SYT6: variants seen among roughly 807,000 people sequenced by gnomAD.
SYT6 encodes synaptotagmin 6.
SYT6 carries 24 observed loss-of-function variants against 38.4 expected under a neutral mutation model. The ratio of observed to expected loss-of-function variants is 0.62; its 90% CI spans 0.45 to 0.88. The LOEUF (loss-of-function observed/expected upper bound fraction) is 0.88, where lower values mean the gene tolerates loss of function less well. SYT6 is among the 40% of genes least tolerant of loss of function. The probability of loss-of-function intolerance (pLI) is 0.00; values close to 1 mark genes in which losing one functional copy is unlikely to be tolerated. For missense variants in SYT6, 611 were observed against 621.0 expected, an observed-to-expected ratio of 0.98 and a Z score of 0.17; for synonymous variants, 265 against 241.9, an observed-to-expected ratio of 1.10 and a Z score of -0.89.
chr1:114,113,297 G>A (rs2101017746), intron 3 of SYT6, among the ~76,000 whole-genome samples: 1 of 152,220 alleles, frequency 6.6e-6, no homozygotes, highest in South Asian at 2.1e-4. Flanking sequence ...CAGGTTTCCT[G>A]TGCCAGCCTC....
intron 3 of SYT6, among the ~76,000 whole-genome samples, chr1:114,136,530 G>A (rs1328549672): frequency 6.6e-6 from 1 of 152,172 alleles, no homozygotes; most frequent in East Asian, 1.9e-4. Flanking sequence ...GGACTGGAGC[G>A]AAGGGCTATG....
chr1:114,143,557 C>CGTGT (rs149047400), intron 1 of SYT6, among the ~76,000 whole-genome samples: 2,894 of 147,048 alleles, frequency 0.02, 83 homozygotes, highest in African/African-American at 0.059. Flanking sequence ...AACTTATGTG[C>CGTGT]ATGTGTGTGT....
intron 3 of SYT6, among the ~76,000 whole-genome samples, chr1:114,131,093 A>G (rs936297479): frequency 2.6e-5 from 4 of 152,060 alleles, no homozygotes; most frequent in Admixed American, 6.6e-5. Context: ...CCTTCCCCCA[A>G]CATGCTGGGC....
In SYT6 at chr1:114,092,011, T is replaced by G; in HGVS notation, c.*123A>C. The G allele has an allele frequency of 6.5e-7, 1 of 1,536,264 alleles. No individual in the cohort carries two copies. The highest frequency in any genetic ancestry group is 8.7e-7 in the Non-Finnish European group (1 of 1,146,888). Reference sequence around the variant, plus strand: ...CATTTGTGTTATTTGGCTGCACATCTCATGGTGTTGGAGGTGGTTTCGGAG... The same window carrying G: ...CATTTGTGTTATTTGGCTGCACATCGCATGGTGTTGGAGGTGGTTTCGGAG... On this transcript the variant is annotated 3_prime_UTR_variant, in exon 8 of 8. Transcript: ENST00000610222.
intron 1 of SYT6, among the ~76,000 whole-genome samples, chr1:114,146,737 G>A (rs1241481745): frequency 2.0e-5 from 3 of 152,230 alleles, no homozygotes; most frequent in Non-Finnish European, 4.4e-5. Context: ...TCAGCTTAGA[G>A]AGAAGGAAGC....
intron 3 of SYT6, among the ~76,000 whole-genome samples, chr1:114,136,897 T>C (rs1458184504): frequency 6.8e-6 from 1 of 147,128 alleles, no homozygotes; most frequent in African/African-American, 2.5e-5. Flanking sequence ...CTTGTTCTAA[T>C]GGGAGTGGAA....
chr1:114,141,304 A>G (rs556341613), intron 1 of SYT6, among the ~76,000 whole-genome samples: 1 of 152,370 alleles, frequency 6.6e-6, no homozygotes, highest in South Asian at 2.1e-4. Flanking sequence ...CACACAAATG[A>G]TAAGAAAGCA....
intron 1 of SYT6, 102 bp from the exon 2 acceptor site, chr1:114,140,065 G>A: frequency 4.7e-6 from 3 of 639,840 alleles, no homozygotes; most frequent in Non-Finnish European, 7.7e-6. Context: ...GACAAAGACG[G>A]AAGAAGAGAG....
intron 1 of SYT6, among the ~76,000 whole-genome samples, chr1:114,149,227 G>GTGTGTGTGTGTGTGTGCGCGCGTGTA (rs888190571): frequency 8.0e-5 from 12 of 150,034 alleles, no homozygotes; most frequent in African/African-American, 3.0e-4. Context: ...TTGTGTGTGT[G>GTGTGTGTGTGTGTGTGCGCGCGTGTA]TGTGTGTGTG....
chr1:114,136,216 C>T (rs1218735618), intron 3 of SYT6, among the ~76,000 whole-genome samples: 1 of 152,144 alleles, frequency 6.6e-6, no homozygotes, highest in African/African-American at 2.4e-5. Flanking sequence ...AGATTTATGC[C>T]CTTTGCACAC....
intron 7 of SYT6, 43 bp from the exon 8 acceptor site, chr1:114,092,125 T>C: frequency 1.3e-6 from 2 of 1,522,266 alleles, no homozygotes; most frequent in Non-Finnish European, 1.8e-6. Flanking sequence ...GCTAAAGGAA[T>C]TTACATTTCA....
At chr1:114,094,321 C>T (rs1047477409) in intron 6 of SYT6, among the ~76,000 whole-genome samples, 12 of 152,172 alleles carry the variant, frequency 7.9e-5, no homozygotes, top group African/African-American at 2.7e-4. Flanking sequence ...TTTCAGAATG[C>T]CTGTGTTCCA....
intron 1 of SYT6, among the ~76,000 whole-genome samples, chr1:114,149,097 C>T (rs1679302159): frequency 6.6e-6 from 1 of 152,012 alleles, no homozygotes; most frequent in South Asian, 2.1e-4. Context: ...GACCACCTGC[C>T]CCATCTTCTT....
chr1:114,099,096 A>G lies in SYT6; in HGVS notation c.1362T>C (p.Asp454=), dbSNP rs1158608008. Residue 454 remains aspartate (D), a splice_region_variant and synonymous_variant, in exon 5 of 8, where the codon GAT becomes GAC. Coordinates refer to ENST00000610222, the MANE Select transcript of SYT6 (RefSeq NM_001253772.2). ...VSLLISVMDY[D]RVGHNEIIGV... ...GTCCCTCTAGGACGCCTACCTACCG[A>G]TCATAGTCCATGACTGAGATGAGCA... The G allele has an allele frequency of 6.2e-7, 1 of 1,612,132 alleles. No homozygotes were observed. The highest frequency in any genetic ancestry group is 8.5e-7 in the Non-Finnish European group (1 of 1,178,912).
chr1:114,105,786 C>T (rs182615590), intron 3 of SYT6, among the ~76,000 whole-genome samples: 27 of 152,320 alleles, frequency 1.8e-4, no homozygotes, highest in African/African-American at 6.3e-4. Flanking sequence ...CCTTGCACTC[C>T]GCTTTTGAGC....
At chr1:114,124,228 T>C (rs531537292) in intron 3 of SYT6, among the ~76,000 whole-genome samples, 1 of 152,166 alleles carries the variant, frequency 6.6e-6, no homozygotes, top group Non-Finnish European at 1.5e-5. Context: ...AAACCTTCTA[T>C]GGAGGGTGGA....
In SYT6 at chr1:114,139,848, G is replaced by A. The variant is rs748481059; in HGVS notation, c.279C>T (p.Ala93=). Residue 93 remains alanine, a synonymous_variant, in exon 2 of 8, where the codon GCC becomes GCT. Transcript: ENST00000610222. The stretch of plus-strand genomic sequence containing the variant: ...GGGGATTAGCAGAAGAGGGACTGGA[G>A]GCCTCCTTGTTCCTCCAGGGCATCC... ...LCWMPWRNKE[A]SSPSSANPPL... is the part of the protein sequence containing the mutation. 20 of 1,587,426 alleles carry A rather than the reference G, an allele frequency of 1.3e-5. No homozygotes were observed. Among genetic ancestry groups the A allele is most frequent in the Middle Eastern group, 1.7e-4 (1 of 5,938 alleles).
At chr1:114,118,718 C>T (rs1330391146) in intron 3 of SYT6, among the ~76,000 whole-genome samples, 1 of 152,214 alleles carries the variant, frequency 6.6e-6, no homozygotes, top group Non-Finnish European at 1.5e-5. Flanking sequence ...GCTTCCCACA[C>T]AGCAGTCAGC....
At chr1:114,134,444 G>A (rs1262098039) in intron 3 of SYT6, among the ~76,000 whole-genome samples, 1 of 152,214 alleles carries the variant, frequency 6.6e-6, no homozygotes, top group Non-Finnish European at 1.5e-5. Context: ...CTTACACTCA[G>A]CCCTGAGGGA....
Sources: gnomAD v4.1 joint callset for allele counts (sites outside exome capture counted in the v4.1 genomes callset) on GRCh38, gnomAD v4.1.1 for gene constraint, MANE v1.5 for transcripts, NCBI Gene and HGNC (gene_info 2026-07-23, HGNC 2026-07-21) for gene names.